Variants in RPS6KC1 observed in about 807,000 individuals in gnomAD.
RPS6KC1 encodes ribosomal protein S6 kinase C1, also known as inactive ribosomal protein S6 kinase delta-1.
Under a neutral mutation model 103.8 loss-of-function variants are expected in RPS6KC1, and 54 were observed. That is an observed-to-expected ratio of 0.52 (90% CI 0.42 to 0.65). The LOEUF (loss-of-function observed/expected upper bound fraction) is 0.65, where lower values mean the gene tolerates loss of function less well. Among genes scored for constraint, RPS6KC1 ranks in the 30% least tolerant of loss-of-function variants. RPS6KC1 has a pLI of 0.00. For synonymous variants in RPS6KC1, 439 were observed against 438.7 expected, an observed-to-expected ratio of 1.00 and a Z score of -0.01; for missense variants, 1,151 against 1,253.8, an observed-to-expected ratio of 0.92 and a Z score of 1.24.
chr1:213,419,159 T>G, the RPS6KC1 span, among the ~76,000 whole-genome samples: 1 of 152,204 alleles, frequency 6.6e-6, no homozygotes, highest in Non-Finnish European at 1.5e-5. Context: ...CCTCTCAATG[T>G]GTCTTCTGGT....
the RPS6KC1 span, among the ~76,000 whole-genome samples, chr1:213,521,172 T>G: frequency 6.6e-6 from 1 of 152,104 alleles, no homozygotes; most frequent in African/African-American, 2.4e-5. Flanking sequence ...AGGCATACCT[T>G]GGAGATAGTG....
chr1:213,610,396 G>C, the RPS6KC1 span, among the ~76,000 whole-genome samples: 1 of 152,176 alleles, frequency 6.6e-6, no homozygotes, highest in Non-Finnish European at 1.5e-5. Flanking sequence ...CTTTGCCTGA[G>C]AGCACTGAGA....
chr1:213,271,582 G>A (rs1243864286), intron 14 of RPS6KC1, among the ~76,000 whole-genome samples: 2 of 152,006 alleles, frequency 1.3e-5, no homozygotes, highest in African/African-American at 4.8e-5. Flanking sequence ...TGGCTAACAC[G>A]GTGAAACCCT....
intron 6 of RPS6KC1, among the ~76,000 whole-genome samples, chr1:213,167,439 AACACACACACAC>A (rs199762137): frequency 3.8e-3 from 292 of 75,988 alleles, no homozygotes; most frequent in Non-Finnish European, 5.2e-3. Flanking sequence ...CAAGGTTGAA[AACACACACACAC>A]ACACACACAC....
chr1:213,752,964 T>G, the RPS6KC1 span, among the ~76,000 whole-genome samples: 1 of 152,316 alleles, frequency 6.6e-6, no homozygotes, highest in Middle Eastern at 3.4e-3. Flanking sequence ...GAGACTGCTT[T>G]CAAAAACTCC....
chr1:213,494,448 T>C, the RPS6KC1 span, among the ~76,000 whole-genome samples: 1 of 151,876 alleles, frequency 6.6e-6, no homozygotes, highest in African/African-American at 2.4e-5. Flanking sequence ...AATGGAAGGA[T>C]AGAAAAAACC....
At chr1:213,771,231 A>G in the RPS6KC1 span, among the ~76,000 whole-genome samples, 2 of 151,954 alleles carry the variant, frequency 1.3e-5, no homozygotes, top group African/African-American at 4.8e-5. Flanking sequence ...GAGTGAGTGC[A>G]TTGAGGTCCC....
intron 8 of RPS6KC1, among the ~76,000 whole-genome samples, chr1:213,197,298 T>G (rs754146302): frequency 6.6e-5 from 10 of 152,198 alleles, no homozygotes; most frequent in Admixed American, 2.0e-4. Context: ...ATTTTAGGAC[T>G]CTTTTTTTCT....
At chr1:213,349,500 G>A in the RPS6KC1 span, among the ~76,000 whole-genome samples, 1 of 152,182 alleles carries the variant, frequency 6.6e-6, no homozygotes, top group Non-Finnish European at 1.5e-5. Flanking sequence ...TGCTCGAGTT[G>A]CTGCACACTT....
At chr1:213,581,676 G>A in the RPS6KC1 span, among the ~76,000 whole-genome samples, 16 of 152,168 alleles carry the variant, frequency 1.1e-4, no homozygotes, top group African/African-American at 3.6e-4. Flanking sequence ...GCTCCTCAAC[G>A]CCAATATCTG....
At chr1:213,504,422 T>C in the RPS6KC1 span, among the ~76,000 whole-genome samples, 1 of 152,214 alleles carries the variant, frequency 6.6e-6, no homozygotes, top group Non-Finnish European at 1.5e-5. Context: ...TGTTTCCTAC[T>C]GTCTTATCCA....
intron 8 of RPS6KC1, among the ~76,000 whole-genome samples, chr1:213,211,981 A>G (rs867267779): frequency 6.6e-6 from 1 of 152,092 alleles, no homozygotes; most frequent in East Asian, 1.9e-4. Flanking sequence ...GAGTTTTTCC[A>G]TGTGCCCCCT....
chr1:213,295,168 G>A, the RPS6KC1 span, among the ~76,000 whole-genome samples: 1 of 152,176 alleles, frequency 6.6e-6, no homozygotes, highest in Non-Finnish European at 1.5e-5. Flanking sequence ...AGTTCAGGAT[G>A]AGGGTGTATA....
intron 1 of RPS6KC1, among the ~76,000 whole-genome samples, chr1:213,070,141 T>C (rs61834091): frequency 0.034 from 5,194 of 152,348 alleles, 122 homozygotes; most frequent in Middle Eastern, 0.054. Flanking sequence ...CCGAGCATTG[T>C]AGCTGCTTTT....
intron 8 of RPS6KC1, among the ~76,000 whole-genome samples, chr1:213,202,170 A>G (rs756141516): frequency 2.0e-5 from 3 of 152,104 alleles, no homozygotes; most frequent in Non-Finnish European, 4.4e-5. Context: ...GCTCTTTATC[A>G]TTATTCAGAA....
chr1:213,472,170 T>C, the RPS6KC1 span, among the ~76,000 whole-genome samples: 76 of 152,340 alleles, frequency 5.0e-4, no homozygotes, highest in African/African-American at 1.8e-3. Context: ...TTGATTTTTT[T>C]CTAGGATGCT....
At chr1:213,421,304 T>C in the RPS6KC1 span, among the ~76,000 whole-genome samples, 2 of 151,982 alleles carry the variant, frequency 1.3e-5, no homozygotes, top group African/African-American at 4.8e-5. Context: ...GTAGAGACAA[T>C]GTTTCACCAT....
chr1:213,219,332 T>C (rs1335636557), intron 8 of RPS6KC1, among the ~76,000 whole-genome samples: 1 of 152,152 alleles, frequency 6.6e-6, no homozygotes, highest in African/African-American at 2.4e-5. Context: ...CCAGTTACAA[T>C]GGCGATCATT....
intron 6 of RPS6KC1, among the ~76,000 whole-genome samples, chr1:213,133,648 G>C (rs1034540623): frequency 6.6e-6 from 1 of 152,128 alleles, no homozygotes; most frequent in South Asian, 2.1e-4. Flanking sequence ...TTTGAGAGCT[G>C]GTTTTGTGTA....
Sources: allele counts gnomAD v4.1 joint callset (sites outside exome capture counted in the v4.1 genomes callset), GRCh38; gene constraint gnomAD v4.1.1; transcripts MANE v1.5; gene names NCBI Gene and HGNC (gene_info 2026-07-23, HGNC 2026-07-21).